GMEB2: variants seen among roughly 807,000 people sequenced by gnomAD.
The protein encoded by GMEB2 is glucocorticoid modulatory element-binding protein 2.
In GMEB2, 7 loss-of-function variants were observed where a neutral mutation model predicts 45.7. That is an observed-to-expected ratio of 0.15 (90% CI 0.09 to 0.29). The LOEUF (loss-of-function observed/expected upper bound fraction) is 0.29, where lower values mean the gene tolerates loss of function less well. Ranked by LOEUF, GMEB2 falls within the 10% of genes least tolerant of loss-of-function variation. The pLI is 1.00. For missense variants in GMEB2, 582 were observed against 739.2 expected, an observed-to-expected ratio of 0.79 and a Z score of 2.47; for synonymous variants, 322 against 323.6, an observed-to-expected ratio of 1.00 and a Z score of 0.05.
At chr20:63,607,026 C>T (rs1024273300) in intron 2 of GMEB2, among the ~76,000 whole-genome samples, 1 of 152,070 alleles carries the variant, frequency 6.6e-6, no homozygotes, top group African/African-American at 2.4e-5. Context: ...AGAAACATGC[C>T]CCTCTGACCC....
In GMEB2 at chr20:63,627,065, T is replaced by G. The variant is rs1057239014; in HGVS notation, c.-167A>C. ...GCGGGCTTCGCTCCTTGTTGGGGAT[T>G]CGGCGGCGGCGGCGGCGCGGGCGCG... On this transcript the variant is annotated 5_prime_UTR_variant, in exon 1 of 10. Coordinates refer to ENST00000370077, the MANE Select transcript of GMEB2 (RefSeq NM_012384.5). 2 of 151,396 alleles carry G rather than the reference T, an allele frequency of 1.3e-5. No individual in the cohort carries two copies. Among genetic ancestry groups the G allele is most frequent in the African/African-American group, 4.9e-5 (2 of 40,790 alleles). 9.4% of individuals were successfully genotyped at this position (151,396 alleles called of 1,614,324 possible). A position where few individuals can be genotyped will look rare whatever the true frequency, so the allele number is the denominator to read the frequency against.
chr20:63,615,754 TG>T (rs1349123936), intron 2 of GMEB2, among the ~76,000 whole-genome samples: 1 of 152,248 alleles, frequency 6.6e-6, no homozygotes, highest in Non-Finnish European at 1.5e-5. Context: ...GGTCTCATGC[TG>T]GGAACGCGAG....
chr20:63,591,588 C>T (rs992159313), intron 9 of GMEB2, among the ~76,000 whole-genome samples: 2 of 152,136 alleles, frequency 1.3e-5, no homozygotes, highest in Non-Finnish European at 2.9e-5. Context: ...GCCAGCCTCC[C>T]GAGTAGCTGG....
At chr20:63,620,071 TC>T (rs1236981005) in intron 1 of GMEB2, among the ~76,000 whole-genome samples, 1 of 152,092 alleles carries the variant, frequency 6.6e-6, no homozygotes, top group Non-Finnish European at 1.5e-5. Context: ...CCTCAGCCTC[TC>T]CAATTGCTGG....
Position 63,592,176 on chromosome 20 carries a change from C to A in GMEB2, c.830-32G>T. 6.2e-7 allele frequency: 1 copy of A among 1,600,040 alleles called. No individual in the cohort carries two copies. Among genetic ancestry groups the A allele is most frequent in the South Asian group, 1.1e-5 (1 of 90,304 alleles). On this transcript the variant is annotated intron_variant, in intron 8 of 9. Transcript: ENST00000370077. This position sits in a 1 kb window ranked among gnomAD's most constrained non-coding sequence, Gnocchi z 8.2. Reference sequence around the variant, plus strand: ...GGGTAACGCGGACACTCAGTGAGAGCCCAAGCCCTTCCTAGAGAGCCACGC... The same window carrying A: ...GGGTAACGCGGACACTCAGTGAGAGACCAAGCCCTTCCTAGAGAGCCACGC...
intron 3 of GMEB2, 145 bp from the exon 4 acceptor site, chr20:63,603,237 T>G: frequency 2.5e-6 from 2 of 802,028 alleles, no homozygotes; most frequent in Middle Eastern, 2.3e-4. Context: ...AGAGCCAAGG[T>G]GGGCAGGGCA....
rs1306978813 is a variant in GMEB2 at position 63,592,670 on chromosome 20, T to A, written c.692A>T (p.Asp231Val). The A allele has an allele frequency of 1.2e-6, 2 of 1,613,150 alleles. No individual in the cohort carries two copies. The highest frequency in any genetic ancestry group is 1.7e-6 in the Non-Finnish European group (2 of 1,179,374). Residue 231 changes from aspartate to valine, a missense_variant and splice_region_variant, in exon 8 of 10, where the codon GAT becomes GTT. Physicochemically the swap from Asp to Val is radical, Grantham distance 152. Coordinates refer to ENST00000370077, the MANE Select transcript of GMEB2 (RefSeq NM_012384.5). This position sits in a 1 kb window ranked among gnomAD's most constrained non-coding sequence, Gnocchi z 8.2. ...CCCCCGCCAGAAGGTAAATGTGTCA[T>A]CTGTGAGGGAAGGAGTGGGTTCAGT... ...DPGDWTAAIG[D>V]DTFTFWRGLK...
At chr20:63,609,916 C>T (rs77982102) in intron 2 of GMEB2, among the ~76,000 whole-genome samples, 9 of 132,322 alleles carry the variant, frequency 6.8e-5, no homozygotes, top group Non-Finnish European at 1.2e-4. Context: ...TAGAAACATG[C>T]CCCTCTGACC....
rs1460449879 is a variant in GMEB2 at position 63,593,825 on chromosome 20, C to T, written c.620-743G>A. Among the ~76,000 whole-genome samples the T allele has an allele frequency of 2.6e-5, 4 of 152,198 alleles. No individual in the cohort carries two copies. The highest frequency in any genetic ancestry group is 2.1e-4 in the South Asian group (1 of 4,832). On this transcript the variant is annotated intron_variant, in intron 6 of 9. Transcript: ENST00000370077. The surrounding 1 kb of genome is among the most constrained non-coding windows in gnomAD (Gnocchi z 4.7). ...TCACCTAAGGTCAGGAGTTCGAGAA[C>T]AGCCTGGGCAACACGGCAAAACCCC...
At chr20:63,613,233 A>C (rs1215088037) in intron 2 of GMEB2, among the ~76,000 whole-genome samples, 1 of 152,264 alleles carries the variant, frequency 6.6e-6, no homozygotes, top group African/African-American at 2.4e-5. Context: ...TAACTCAAGC[A>C]TAAGATGTGA....
rs917337714 is a variant in GMEB2 at position 63,619,988 on chromosome 20, C to T, written c.-57-534G>A. ...TTTGAGACGGAGTCTCGCTCTGTCGCCCAGGCTGGAATGCAGTGGCACGAC... is the reference window on the plus strand; with the variant it reads ...TTTGAGACGGAGTCTCGCTCTGTCGTCCAGGCTGGAATGCAGTGGCACGAC... On this transcript the variant is annotated intron_variant, in intron 1 of 9. Coordinates refer to ENST00000370077, the MANE Select transcript of GMEB2 (RefSeq NM_012384.5). This position sits in a 1 kb window ranked among gnomAD's most constrained non-coding sequence, Gnocchi z 4.6. The T allele has an allele frequency of 2.0e-5, 3 of 152,498 alleles. No homozygotes were observed. The highest frequency in any genetic ancestry group is 7.2e-5 in the African/African-American group (3 of 41,454). The allele number at this position is 152,498 out of a possible 1,614,324, so 9.4% of individuals were successfully genotyped here.
chr20:63,596,243 G>C (rs758806871), intron 5 of GMEB2, among the ~76,000 whole-genome samples: 1 of 152,244 alleles, frequency 6.6e-6, no homozygotes, highest in Non-Finnish European at 1.5e-5. Flanking sequence ...TGAGGGCGCA[G>C]GACAGCACCA....
chr20:63,596,870 T>C (rs2083204082), intron 5 of GMEB2, among the ~76,000 whole-genome samples: 1 of 152,046 alleles, frequency 6.6e-6, no homozygotes, highest in African/African-American at 2.4e-5. Context: ...ATACAAAAAT[T>C]AGCCGGGTGT....
rs923468325 is a variant in GMEB2, at chr20:63,589,370, A to T, written c.*719T>A. On this transcript the variant is annotated 3_prime_UTR_variant, in exon 10 of 10. Transcript: ENST00000370077. ...TAAATCTGACTCTTCCTAGAAGCCT[A>T]CTAAGCAATTCACTTAAAAACACCC... 2.5e-6 allele frequency: 1 copy of T among 396,994 alleles called. No individual in the cohort carries two copies. Among genetic ancestry groups the T allele is most frequent in the Non-Finnish European group, 4.4e-6 (1 of 225,358 alleles). 24.6% of individuals were successfully genotyped at this position (396,994 alleles called of 1,614,324 possible).
intron 2 of GMEB2, among the ~76,000 whole-genome samples, chr20:63,606,791 G>A (rs972316695): frequency 6.6e-6 from 1 of 152,178 alleles, no homozygotes; most frequent in Non-Finnish European, 1.5e-5. Flanking sequence ...ACAGGGAAAC[G>A]CAAAGGCCCC....
rs1047762915 is a variant in GMEB2, at chr20:63,593,969, G to T, written c.620-887C>A. 1.3e-5 allele frequency among the ~76,000 whole-genome samples: 2 copies of T among 152,230 alleles called. No individual in the cohort carries two copies. Among genetic ancestry groups the T allele is most frequent in the Admixed American group, 1.3e-4 (2 of 15,270 alleles). ...CGGAAGGCAGAGGTTGCAGTGAGCC[G>T]AGATCAGGCCCCTGCACTCCAGCCT... On this transcript the variant is annotated intron_variant, in intron 6 of 9. Transcript: ENST00000370077. The surrounding 1 kb of genome is among the most constrained non-coding windows in gnomAD (Gnocchi z 4.7).
chr20:63,617,912 T>C (rs2089620883), intron 2 of GMEB2, among the ~76,000 whole-genome samples: 1 of 152,170 alleles, frequency 6.6e-6, no homozygotes, highest in Non-Finnish European at 1.5e-5. Flanking sequence ...GAAATGACCC[T>C]GGGCTCCTCA....
intron 2 of GMEB2, among the ~76,000 whole-genome samples, chr20:63,606,733 G>A (rs4809313): frequency 0.17 from 26,099 of 152,206 alleles, 3,076 homozygotes; most frequent in East Asian, 0.49. Context: ...TTCCTGATAT[G>A]ACATAAAGAG....
At chr20:63,597,635 A>AG (rs2083209830) in intron 5 of GMEB2, 122 bp downstream of exon 5, 2 of 646,712 alleles carry the variant, frequency 3.1e-6, no homozygotes, top group Admixed American at 4.5e-5. Context: ...GCCACCCGGG[A>AG]GGTTGTCAGC....
Sources: gnomAD v4.1 joint callset for allele counts (sites outside exome capture counted in the v4.1 genomes callset) on GRCh38, gnomAD v4.1.1 for gene constraint, Gnocchi (gnomAD v3.1) non-coding constraint, MANE v1.5 for transcripts, NCBI Gene and HGNC (gene_info 2026-07-23, HGNC 2026-07-21) for gene names.